The following CALN1 variants were observed in gnomAD, a reference collection of about 807,000 sequenced individuals.
The protein encoded by CALN1 is calcium-binding protein 8.
CALN1 carries 17 observed loss-of-function variants against 30.6 expected under a neutral mutation model. The ratio of observed to expected loss-of-function variants is 0.56; its 90% CI spans 0.38 to 0.83. CALN1 has a LOEUF of 0.83. Among genes scored for constraint, CALN1 ranks in the 40% least tolerant of loss-of-function variants. The pLI is 0.00. For synonymous variants in CALN1, 156 were observed against 131.4 expected, an observed-to-expected ratio of 1.19 and a Z score of -1.28; for missense variants, 291 against 354.9, an observed-to-expected ratio of 0.82 and a Z score of 1.45.
intron 3 of CALN1, among the ~76,000 whole-genome samples, chr7:72,198,741 C>T (rs941333556): frequency 2.0e-5 from 3 of 152,220 alleles, no homozygotes; most frequent in African/African-American, 7.2e-5. Flanking sequence ...CAGGCACCAA[C>T]TGTGTCACTT....
chr7:72,034,460 A>C (rs1257951474), intron 4 of CALN1, among the ~76,000 whole-genome samples: 2 of 124,520 alleles, frequency 1.6e-5, no homozygotes, highest in African/African-American at 3.3e-5. Context: ...GGATGGTGTC[A>C]AGGAGTGCCT....
intron 2 of CALN1, among the ~76,000 whole-genome samples, chr7:72,307,154 G>C (rs112252125): frequency 2.0e-5 from 3 of 152,236 alleles, no homozygotes; most frequent in African/African-American, 4.8e-5. Flanking sequence ...CAGCAGAAGA[G>C]GCTTTTAAGA....
In CALN1 at chr7:71,968,566, G is replaced by C. The variant is rs868503727; in HGVS notation, c.501+55091C>G. 5.5e-4 allele frequency among the ~76,000 whole-genome samples: 84 copies of C among 152,172 alleles called. 1 individual carries two copies. The highest frequency in any genetic ancestry group is 1.9e-3 in the African/African-American group (78 of 41,558). On this transcript the variant is annotated intron_variant, in intron 5 of 6. Coordinates refer to ENST00000395275, the MANE Select transcript of CALN1 (RefSeq NM_031468.4). ...GTGCCTCAGTTTCCCAAGAGGCTGGGATTACAGGTTTCACCATGCTGGCCA... is the reference window on the plus strand; with the variant it reads ...GTGCCTCAGTTTCCCAAGAGGCTGGCATTACAGGTTTCACCATGCTGGCCA...
At chr7:71,796,028 T>C (rs1786896180) in intron 6 of CALN1, among the ~76,000 whole-genome samples, 1 of 151,650 alleles carries the variant, frequency 6.6e-6, no homozygotes. Context: ...GATTTCACTG[T>C]GTTAGCCAGG....
intron 5 of CALN1, among the ~76,000 whole-genome samples, chr7:71,995,240 G>T (rs927389614): frequency 2.6e-5 from 4 of 152,198 alleles, no homozygotes; most frequent in African/African-American, 9.7e-5. Flanking sequence ...GATGAAGAGA[G>T]AAGGGAAGAC....
chr7:72,314,506 C>G (rs1356656108), intron 2 of CALN1, among the ~76,000 whole-genome samples: 1 of 151,332 alleles, frequency 6.6e-6, no homozygotes. Context: ...TCACTGCAAT[C>G]TCTGCCTCCC....
intron 3 of CALN1, among the ~76,000 whole-genome samples, chr7:72,210,980 G>C (rs928384565): frequency 1.3e-5 from 2 of 152,056 alleles, no homozygotes; most frequent in African/African-American, 4.8e-5. Flanking sequence ...CTTTAACCCA[G>C]GAGTTCAAGG....
In CALN1 at chr7:72,381,929, G is replaced by C. The variant is rs544398129; in HGVS notation, c.119+21322C>G. Among the ~76,000 whole-genome samples, 3 of 152,242 alleles carry C rather than the reference G, an allele frequency of 2.0e-5. No homozygotes were observed. In the South Asian group the frequency reaches 6.2e-4, roughly 32 times the overall value. On this transcript the variant is annotated intron_variant, in intron 2 of 6. Transcript: ENST00000395275. The stretch of plus-strand genomic sequence containing the variant: ...ACCCATAGAAGAGAGGATATCATAA[G>C]AAAAATGCTTAAGAAGTTTTTTCCT...
At chr7:72,390,417 C>A (rs1805508123) in intron 2 of CALN1, among the ~76,000 whole-genome samples, 1 of 151,994 alleles carries the variant, frequency 6.6e-6, no homozygotes, top group Non-Finnish European at 1.5e-5. Flanking sequence ...GGTGACAGTG[C>A]AAGACTCTGT....
At chr7:71,925,167 G>A in intron 5 of CALN1, among the ~76,000 whole-genome samples, 1 of 152,150 alleles carries the variant, frequency 6.6e-6, no homozygotes, top group East Asian at 1.9e-4. Flanking sequence ...CTTGAACCTG[G>A]AAGGTGGAGG....
rs117223983 is a variant in CALN1, at chr7:72,300,680, T to C, written c.120-21870A>G. On this transcript the variant is annotated intron_variant, in intron 2 of 6. Transcript: ENST00000395275. ...ATAAACACAGATGTATGTATTTAAG[T>C]ATAAACTGTATTTGTCTAATTATAT... Among the ~76,000 whole-genome samples the C allele has an allele frequency of 1.5e-3, 222 of 152,294 alleles. 3 individuals carry two copies. In the East Asian group the frequency reaches 0.027, roughly 19 times the overall value.
chr7:72,283,491 C>T (rs1797870130), intron 2 of CALN1, among the ~76,000 whole-genome samples: 1 of 151,498 alleles, frequency 6.6e-6, no homozygotes, highest in African/African-American at 2.4e-5. Context: ...GCTATGATCC[C>T]ACCACTGTAC....
At chr7:71,869,896 T>C (rs1791821503) in intron 5 of CALN1, among the ~76,000 whole-genome samples, 1 of 152,070 alleles carries the variant, frequency 6.6e-6, no homozygotes, top group Admixed American at 6.6e-5. Flanking sequence ...ACCACCTCCT[T>C]GGGGTGGGCC....
intron 5 of CALN1, among the ~76,000 whole-genome samples, chr7:71,813,471 CTG>C (rs1788080238): frequency 6.6e-6 from 1 of 152,100 alleles, no homozygotes; most frequent in Non-Finnish European, 1.5e-5. Flanking sequence ...CCTAGGAAGC[CTG>C]TTATTAAGTT....
intron 3 of CALN1, among the ~76,000 whole-genome samples, chr7:72,131,122 G>A (rs967361733): frequency 3.3e-5 from 5 of 152,086 alleles, no homozygotes; most frequent in African/African-American, 4.8e-5. Flanking sequence ...ACTCGTGAAG[G>A]GGCAGAGTGG....
chr7:72,044,041 CCAT>C (rs1353480552), intron 4 of CALN1, among the ~76,000 whole-genome samples: 4 of 151,886 alleles, frequency 2.6e-5, no homozygotes, highest in African/African-American at 9.7e-5. Context: ...CCCACCCCCA[CCAT>C]GATTCAATTA....
At chr7:71,985,584 CTTTTT>C (rs962922789) in intron 5 of CALN1, among the ~76,000 whole-genome samples, 3 of 96,436 alleles carry the variant, frequency 3.1e-5, no homozygotes, top group Admixed American at 1.3e-4. Flanking sequence ...AGGTAGTTTT[CTTTTT>C]TTTTTTTTTT....
chr7:71,805,335 C>A (rs1205036681), intron 6 of CALN1, among the ~76,000 whole-genome samples: 2 of 152,148 alleles, frequency 1.3e-5, no homozygotes, highest in Admixed American at 6.6e-5. Flanking sequence ...GTAGAGAAGA[C>A]CTGAGTGGGG....
At chr7:72,310,887 G>T (rs1267792263) in intron 2 of CALN1, among the ~76,000 whole-genome samples, 1 of 135,468 alleles carries the variant, frequency 7.4e-6, no homozygotes, top group Non-Finnish European at 1.5e-5. Flanking sequence ...CCAGCCTGGC[G>T]ACAGAGCAAG....
Sources: gnomAD v4.1 joint callset for allele counts (sites outside exome capture counted in the v4.1 genomes callset) on GRCh38, gnomAD v4.1.1 for gene constraint, MANE v1.5 for transcripts, NCBI Gene and HGNC (gene_info 2026-07-23, HGNC 2026-07-21) for gene names.